SIPA1L1: variants seen among roughly 807,000 people sequenced by gnomAD.
SIPA1L1 encodes signal-induced proliferation-associated 1-like protein 1.
A neutral mutation model predicts 162.7 loss-of-function variants in SIPA1L1; 26 were observed. The ratio of observed to expected loss-of-function variants is 0.16; its 90% CI spans 0.12 to 0.22. SIPA1L1 has a LOEUF of 0.22. SIPA1L1 is among the 10% of genes least tolerant of loss of function. The probability of loss-of-function intolerance (pLI) is 1.00; values close to 1 mark genes in which losing one functional copy is unlikely to be tolerated. For synonymous variants in SIPA1L1, 829 were observed against 837.4 expected, an observed-to-expected ratio of 0.99 and a Z score of 0.17; for missense variants, 1,874 against 2,241.0, an observed-to-expected ratio of 0.84 and a Z score of 3.31.
rs545387742 is a variant in SIPA1L1 at position 71,513,728 on chromosome 14, A to G, written c.-362+883A>G. ...GGCTGGTCTCAAACACCCGAGCTCT[A>G]GTGATCCACCTAGGCTTCCCAAAGG... On this transcript the variant is annotated intron_variant, in intron 3 of 23. Transcript: ENST00000381232. Among the ~76,000 whole-genome samples the G allele has an allele frequency of 3.3e-5, 5 of 152,254 alleles. No homozygotes were observed. The South Asian group carries it at 1.0e-3, about 32-fold the overall frequency.
chr14:71,447,185 A>G (rs1216671430), intron 2 of SIPA1L1, among the ~76,000 whole-genome samples: 2 of 151,840 alleles, frequency 1.3e-5, no homozygotes, highest in Non-Finnish European at 2.9e-5. Flanking sequence ...AAGTGTTGGC[A>G]TTACAGGCAT....
At chr14:71,398,562 G>A (rs951171460) in intron 2 of SIPA1L1, among the ~76,000 whole-genome samples, 4 of 152,116 alleles carry the variant, frequency 2.6e-5, no homozygotes, top group East Asian at 3.8e-4. Flanking sequence ...CGAGTGACAC[G>A]CCTTGTGTGG....
chr14:71,471,207 A>G lies in SIPA1L1; in HGVS notation c.-464-41536A>G, dbSNP rs574852540. 4.2e-4 allele frequency among the ~76,000 whole-genome samples: 64 copies of G among 151,842 alleles called. No individual in the cohort carries two copies. In the South Asian group the frequency reaches 0.013, roughly 31 times the overall value. ...GGAATTGGGCCAGGTGCATTGGCTC[A>G]TGCCTGTAATCCCAGGACTTTGGGA... On this transcript the variant is annotated intron_variant, in intron 2 of 23. Transcript: ENST00000381232.
intron 15 of SIPA1L1, chr14:71,704,571 G>A: frequency 8.0e-6 from 5 of 622,376 alleles, no homozygotes; most frequent in Non-Finnish European, 8.7e-6. Flanking sequence ...AGAGGCCCAG[G>A]ATTCTTGCTA....
intron 4 of SIPA1L1, among the ~76,000 whole-genome samples, chr14:71,555,045 C>T (rs552987261): frequency 2.6e-5 from 4 of 152,212 alleles, no homozygotes; most frequent in East Asian, 1.9e-4. Flanking sequence ...AAGGGCCCTA[C>T]GATTTTCAGA....
chr14:71,451,498 A>G (rs1391076428), intron 2 of SIPA1L1, among the ~76,000 whole-genome samples: 1 of 151,818 alleles, frequency 6.6e-6, no homozygotes, highest in Non-Finnish European at 1.5e-5. Flanking sequence ...ACCCAGGCAT[A>G]GTGGTGCATG....
intron 2 of SIPA1L1, among the ~76,000 whole-genome samples, chr14:71,494,728 A>G (rs1296790869): frequency 2.0e-5 from 3 of 151,878 alleles, no homozygotes; most frequent in South Asian, 2.1e-4. Flanking sequence ...GGACCTTACT[A>G]TATTGCCCAG....
intron 2 of SIPA1L1, among the ~76,000 whole-genome samples, chr14:71,331,133 C>T (rs575439589): frequency 6.6e-6 from 1 of 152,154 alleles, no homozygotes; most frequent in Non-Finnish European, 1.5e-5. Context: ...CTTATTTTTT[C>T]CAACACCATT....
intron 5 of SIPA1L1, among the ~76,000 whole-genome samples, chr14:71,593,287 C>G (rs2035628528): frequency 6.6e-6 from 1 of 152,162 alleles, no homozygotes; most frequent in African/African-American, 2.4e-5. Flanking sequence ...TCTCCGCTCA[C>G]TGCAATCTTT....
At chr14:71,510,249 C>A (rs983009735) in intron 2 of SIPA1L1, among the ~76,000 whole-genome samples, 1 of 137,622 alleles carries the variant, frequency 7.3e-6, no homozygotes, top group South Asian at 2.4e-4. Context: ...TGCAGTGGCA[C>A]GATCTTGGCT....
At chr14:71,509,447 A>G (rs2050937453) in intron 2 of SIPA1L1, among the ~76,000 whole-genome samples, 1 of 152,230 alleles carries the variant, frequency 6.6e-6, no homozygotes, top group Non-Finnish European at 1.5e-5. Flanking sequence ...AGCATGAGCA[A>G]TATCAAGGAA....
intron 2 of SIPA1L1, among the ~76,000 whole-genome samples, chr14:71,348,493 T>C (rs1177762983): frequency 6.6e-6 from 1 of 152,230 alleles, no homozygotes. Context: ...TACTGTCTTC[T>C]TTTGATGGAT....
chr14:71,530,782 G>C (rs2053367925), intron 4 of SIPA1L1, among the ~76,000 whole-genome samples: 1 of 152,104 alleles, frequency 6.6e-6, no homozygotes, highest in Non-Finnish European at 1.5e-5. Context: ...CCATGCATTT[G>C]TTTGTGTTCT....
At chr14:71,492,561 G>T (rs1209306895) in intron 2 of SIPA1L1, among the ~76,000 whole-genome samples, 3 of 152,172 alleles carry the variant, frequency 2.0e-5, no homozygotes, top group African/African-American at 7.2e-5. Flanking sequence ...TCTGCTGTCT[G>T]CTTCAGACTT....
intron 2 of SIPA1L1, among the ~76,000 whole-genome samples, chr14:71,406,571 A>AGT (rs2042041385): frequency 2.0e-5 from 3 of 150,398 alleles, no homozygotes; most frequent in South Asian, 4.2e-4. Flanking sequence ...CCTCAATAAC[A>AGT]GTAAATTAGA....
chr14:71,501,697 A>G (rs1477875125), intron 2 of SIPA1L1, among the ~76,000 whole-genome samples: 1 of 152,078 alleles, frequency 6.6e-6, no homozygotes, highest in Non-Finnish European at 1.5e-5. Context: ...TAGAATTTGT[A>G]CGTTTCAGTT....
Position 71,412,622 on chromosome 14 carries a change from G to A in SIPA1L1, c.-465+91441G>A, listed in dbSNP as rs185761411. Among the ~76,000 whole-genome samples the A allele has an allele frequency of 9.9e-4, 150 of 152,258 alleles. 1 individual carries two copies. Among genetic ancestry groups the A allele is most frequent in the African/African-American group, 3.5e-3 (144 of 41,540 alleles). On this transcript the variant is annotated intron_variant, in intron 2 of 23. Transcript: ENST00000381232. ...ATAAAAGGTGGGAGGCCTAATGTCC[G>A]GGGTGATAGGCTGGGAAGAGGAACT...
chr14:71,483,303 G>C (rs1164451995), intron 2 of SIPA1L1, among the ~76,000 whole-genome samples: 2 of 152,202 alleles, frequency 1.3e-5, no homozygotes, highest in Admixed American at 1.3e-4. Flanking sequence ...CATGAAACTA[G>C]TGGGGAACGT....
At chr14:71,321,206 C>T (rs2032837195) in intron 2 of SIPA1L1, 25 bp downstream of exon 2, 4 of 152,192 alleles carry the variant, frequency 2.6e-5, no homozygotes, top group Admixed American at 6.5e-5. Flanking sequence ...CGCCCGGGTC[C>T]TGGGGGGAGC....
Sources: allele counts gnomAD v4.1 joint callset (sites outside exome capture counted in the v4.1 genomes callset), GRCh38; gene constraint gnomAD v4.1.1; transcripts MANE v1.5; gene names NCBI Gene and HGNC (gene_info 2026-07-23, HGNC 2026-07-21).